RTL4: variants seen among roughly 807,000 people sequenced by gnomAD.
The protein encoded by RTL4 is retrotransposon Gag like 4, also known as retrotransposon Gag-like protein 4.
Under a neutral mutation model 5.3 loss-of-function variants are expected in RTL4, and 4 were observed. The observed-to-expected ratio is 0.75, with a 90% CI of 0.37 to 1.72. The LOEUF is 1.72. Ranked by LOEUF, RTL4 falls within the 40% of genes most tolerant of loss-of-function variation. The pLI, the probability that RTL4 is intolerant of heterozygous loss-of-function variation, is 0.04. For synonymous variants in RTL4, 98 were observed against 87.3 expected, an observed-to-expected ratio of 1.12 and a Z score of -0.68; for missense variants, 260 against 227.1, an observed-to-expected ratio of 1.14 and a Z score of -0.93.
At chrX:112,143,424 C>T in the RTL4 span, among the ~76,000 whole-genome samples, 1 of 111,300 alleles carries the variant, frequency 9.0e-6, no homozygotes, top group Non-Finnish European at 1.9e-5. Flanking sequence ...TTTGCCATTA[C>T]TATTGTTACT....
At chrX:112,197,396 A>T in the RTL4 span, among the ~76,000 whole-genome samples, 1 of 110,290 alleles carries the variant, frequency 9.1e-6, no homozygotes, top group Non-Finnish European at 1.9e-5. Context: ...GCTTGGCCTT[A>T]TCTGGTACAA....
chrX:112,297,411 C>A, the RTL4 span, among the ~76,000 whole-genome samples: 2 of 111,618 alleles, frequency 1.8e-5, no homozygotes, highest in East Asian at 5.7e-4. Context: ...GAAGAGGAAG[C>A]AGGCGCGTCC....
the RTL4 span, among the ~76,000 whole-genome samples, chrX:112,397,445 A>C: frequency 9.0e-6 from 1 of 110,717 alleles, no homozygotes; most frequent in Non-Finnish European, 1.9e-5. Context: ...GGCCAACTGT[A>C]ATTTATTTGG....
the RTL4 span, among the ~76,000 whole-genome samples, chrX:112,444,787 T>C: frequency 1.8e-5 from 2 of 112,022 alleles, no homozygotes. Flanking sequence ...TTTTCCAATT[T>C]ATTGACAGAT....
chrX:112,221,912 C>G, the RTL4 span, among the ~76,000 whole-genome samples: 1 of 112,516 alleles, frequency 8.9e-6, no homozygotes, highest in Non-Finnish European at 1.9e-5. Context: ...AAAAATAGGG[C>G]CTTGCCCTTC....
At chrX:112,446,126 TGGGCCAGTTATGCATA>T in the RTL4 span, among the ~76,000 whole-genome samples, 1 of 112,314 alleles carries the variant, frequency 8.9e-6, no homozygotes. Context: ...TTCAAACTTG[TGGGCCAGTTATGCATA>T]GGGCACAACA....
chrX:112,211,380 G>C, the RTL4 span, among the ~76,000 whole-genome samples: 1 of 112,211 alleles, frequency 8.9e-6, no homozygotes, highest in Non-Finnish European at 1.9e-5. Context: ...TTGTGGGTTT[G>C]CTTGTGTGAA....
At chrX:112,084,157 G>C in the RTL4 span, among the ~76,000 whole-genome samples, 2 of 110,992 alleles carry the variant, frequency 1.8e-5, no homozygotes, top group Non-Finnish European at 3.8e-5. Flanking sequence ...CTAAATGGCC[G>C]AGTGTTTTCA....
chrX:112,346,423 G>A, the RTL4 span, among the ~76,000 whole-genome samples: 1 of 111,537 alleles, frequency 9.0e-6, no homozygotes, highest in East Asian at 2.8e-4. Flanking sequence ...TACAGGAAGG[G>A]AAGGAAAATC....
At chrX:112,340,856 A>T in the RTL4 span, among the ~76,000 whole-genome samples, 1 of 110,570 alleles carries the variant, frequency 9.0e-6, no homozygotes, top group Non-Finnish European at 1.9e-5. Context: ...AGCTGGGACT[A>T]TAGGTATGCA....
the RTL4 span, among the ~76,000 whole-genome samples, chrX:112,298,384 A>G: frequency 8.9e-6 from 1 of 112,004 alleles, no homozygotes; most frequent in South Asian, 3.7e-4. Context: ...ACCTGGGCAT[A>G]GCTATGAAAT....
chrX:112,242,009 T>C, the RTL4 span, among the ~76,000 whole-genome samples: 1 of 111,690 alleles, frequency 9.0e-6, no homozygotes, highest in African/African-American at 3.3e-5. Context: ...TGGTTGTAGA[T>C]GTGTGGTGTT....
At chrX:112,279,963 A>G in the RTL4 span, among the ~76,000 whole-genome samples, 2 of 111,702 alleles carry the variant, frequency 1.8e-5, no homozygotes, top group Non-Finnish European at 3.8e-5. Flanking sequence ...AGGTTACGAT[A>G]CTGCCAAAAT....
the RTL4 span, among the ~76,000 whole-genome samples, chrX:112,163,829 C>A: frequency 4.7e-3 from 529 of 111,559 alleles, no homozygotes; most frequent in Non-Finnish European, 5.9e-3. Context: ...AATGGTAGTT[C>A]CCTTGAAAAC....
At chrX:112,416,298 A>G in the RTL4 span, among the ~76,000 whole-genome samples, 1 of 112,060 alleles carries the variant, frequency 8.9e-6, no homozygotes, top group Admixed American at 9.5e-5. Flanking sequence ...AGTTTACATT[A>G]ACAGTTACCA....
At chrX:112,329,152 T>TA in the RTL4 span, among the ~76,000 whole-genome samples, 1 of 109,932 alleles carries the variant, frequency 9.1e-6, no homozygotes, top group Non-Finnish European at 1.9e-5. Flanking sequence ...AAGAAATAAC[T>TA]AAAATCAGAG....
chrX:112,354,188 A>T, the RTL4 span, among the ~76,000 whole-genome samples: 2 of 111,395 alleles, frequency 1.8e-5, no homozygotes, highest in African/African-American at 6.5e-5. Flanking sequence ...CAGTTGCATA[A>T]GGGAGGTAGC....
the RTL4 span, among the ~76,000 whole-genome samples, chrX:112,228,450 G>C: frequency 8.9e-6 from 1 of 112,293 alleles, no homozygotes; most frequent in East Asian, 2.8e-4. Context: ...TGTATTCAAG[G>C]TATACAGTGT....
chrX:112,350,181 T>C, the RTL4 span, among the ~76,000 whole-genome samples: 1 of 111,297 alleles, frequency 9.0e-6, no homozygotes, highest in Non-Finnish European at 1.9e-5. Flanking sequence ...GATTTGCGTA[T>C]GTTGAACCAG....
Sources: gnomAD v4.1 joint callset for allele counts (sites outside exome capture counted in the v4.1 genomes callset) on GRCh38, gnomAD v4.1.1 for gene constraint, MANE v1.5 for transcripts, NCBI Gene and HGNC (gene_info 2026-07-23, HGNC 2026-07-21) for gene names.